ELMO1: variants seen among roughly 807,000 people sequenced by gnomAD.
ELMO1 encodes engulfment and cell motility 1, also known as engulfment and cell motility protein 1.
A neutral mutation model predicts 98.9 loss-of-function variants in ELMO1; 26 were observed. The ratio of observed to expected loss-of-function variants is 0.26; its 90% CI spans 0.19 to 0.36. The LOEUF (loss-of-function observed/expected upper bound fraction) is 0.36, where lower values mean the gene tolerates loss of function less well. Ranked by LOEUF, ELMO1 falls within the 10% of genes least tolerant of loss-of-function variation. The pLI is 1.00. For synonymous variants in ELMO1, 346 were observed against 346.0 expected (o/e 1.00, Z 0.00); for missense variants, 627 against 935.2 (o/e 0.67, Z 4.30).
intron 15 of ELMO1, among the ~76,000 whole-genome samples, chr7:37,066,472 G>C (rs537096569): frequency 6.6e-6 from 1 of 152,298 alleles, no homozygotes; most frequent in South Asian, 2.1e-4. Context: ...TTGGTACCCA[G>C]TACCCAGGCC....
At chr7:37,027,572 T>C (rs1794650870) in intron 15 of ELMO1, among the ~76,000 whole-genome samples, 1 of 152,192 alleles carries the variant, frequency 6.6e-6, no homozygotes, top group Non-Finnish European at 1.5e-5. Flanking sequence ...TTCGAAAGGA[T>C]AGAGATGTAT....
intron 13 of ELMO1, among the ~76,000 whole-genome samples, chr7:37,164,384 T>C (rs1789479227): frequency 6.6e-6 from 1 of 152,090 alleles, no homozygotes; most frequent in Admixed American, 6.5e-5. Flanking sequence ...GCCATTGCTT[T>C]TGGTGTTTTA....
intron 16 of ELMO1, among the ~76,000 whole-genome samples, chr7:36,901,109 T>C (rs369788600): frequency 1.3e-5 from 2 of 152,174 alleles, no homozygotes; most frequent in East Asian, 3.8e-4. Context: ...CAATTATTGA[T>C]CCCTCCCTGG....
chr7:37,403,961 C>T (rs1000760391), intron 1 of ELMO1, among the ~76,000 whole-genome samples: 2 of 152,086 alleles, frequency 1.3e-5, no homozygotes, highest in African/African-American at 4.8e-5. Context: ...ATGTACCACA[C>T]TAATGCAAGA....
chr7:37,362,219 TA>T (rs1801727756), intron 1 of ELMO1, among the ~76,000 whole-genome samples: 1 of 150,542 alleles, frequency 6.6e-6, no homozygotes. Flanking sequence ...ATGTATATGA[TA>T]TATATATATA....
At chr7:37,336,652 G>A (rs1800428228) in intron 2 of ELMO1, among the ~76,000 whole-genome samples, 1 of 152,170 alleles carries the variant, frequency 6.6e-6, no homozygotes, top group Non-Finnish European at 1.5e-5. Context: ...ACTGAAGCTA[G>A]AGGAAGGAAG....
intron 1 of ELMO1, among the ~76,000 whole-genome samples, chr7:37,363,860 G>A (rs966268087): frequency 2.0e-5 from 3 of 152,150 alleles, no homozygotes; most frequent in African/African-American, 7.2e-5. Flanking sequence ...AATCAGGGTA[G>A]AAAAATTAAA....
chr7:37,076,172 C>T (rs1362784919), intron 15 of ELMO1, among the ~76,000 whole-genome samples: 1 of 152,178 alleles, frequency 6.6e-6, no homozygotes, highest in African/African-American at 2.4e-5. Context: ...TTTCGTTACC[C>T]CCTGATGAGT....
intron 1 of ELMO1, chr7:37,393,675 C>T (rs1803174561): frequency 6.6e-6 from 1 of 152,188 alleles, no homozygotes; most frequent in South Asian, 2.1e-4. Flanking sequence ...GGAAATATCA[C>T]AGAAAAGTGA....
chr7:37,243,281 G>T (rs1584862761), intron 7 of ELMO1, among the ~76,000 whole-genome samples: 1 of 152,118 alleles, frequency 6.6e-6, no homozygotes, highest in East Asian at 1.9e-4. Context: ...TAAGTAGATG[G>T]GGAGAAAGTA....
intron 6 of ELMO1, among the ~76,000 whole-genome samples, chr7:37,255,164 G>C (rs1795574041): frequency 6.6e-6 from 1 of 152,178 alleles, no homozygotes; most frequent in African/African-American, 2.4e-5. Flanking sequence ...CTCAGAATGG[G>C]ACAGTATTTG....
chr7:37,039,064 A>G (rs78534951), intron 15 of ELMO1, among the ~76,000 whole-genome samples: 2,832 of 152,312 alleles, frequency 0.019, 48 homozygotes, highest in East Asian at 0.084. Flanking sequence ...TCTGAGATTC[A>G]TGCTTTTTCT....
At chr7:37,109,533 G>C (rs1785125915) in intron 14 of ELMO1, among the ~76,000 whole-genome samples, 1 of 152,100 alleles carries the variant, frequency 6.6e-6, no homozygotes, top group Non-Finnish European at 1.5e-5. Flanking sequence ...CCCCTCCCCA[G>C]ATAAGGCCCA....
chr7:36,872,293 G>A (rs1803586466), intron 19 of ELMO1, among the ~76,000 whole-genome samples: 1 of 152,216 alleles, frequency 6.6e-6, no homozygotes, highest in African/African-American at 2.4e-5. Context: ...ACGATAGTCA[G>A]AGGGCAATTC....
chr7:37,425,572 G>A (rs56372571), intron 1 of ELMO1, among the ~76,000 whole-genome samples: 2,815 of 152,314 alleles, frequency 0.018, 42 homozygotes, highest in Non-Finnish European at 0.028. Context: ...ATGTCTATCC[G>A]TTGAATGAAT....
intron 13 of ELMO1, among the ~76,000 whole-genome samples, chr7:37,152,183 G>A (rs776436971): frequency 1.3e-5 from 2 of 152,196 alleles, no homozygotes; most frequent in Non-Finnish European, 2.9e-5. Flanking sequence ...TGCAGTCATG[G>A]TTCCAGGTAC....
chr7:37,107,394 C>T (rs372627847), intron 14 of ELMO1, among the ~76,000 whole-genome samples: 1 of 152,168 alleles, frequency 6.6e-6, no homozygotes, highest in Non-Finnish European at 1.5e-5. Flanking sequence ...CAAACTCTCT[C>T]CTAAGGCATC....
At chr7:36,941,346 ATTCCT>A (rs1787016249) in intron 16 of ELMO1, among the ~76,000 whole-genome samples, 2 of 152,314 alleles carry the variant, frequency 1.3e-5, no homozygotes, top group South Asian at 4.1e-4. Context: ...TAACTTTGGA[ATTCCT>A]TAGATCAGTG....
intron 15 of ELMO1, among the ~76,000 whole-genome samples, chr7:37,014,702 A>ACTTCT (rs1793804380): frequency 6.7e-6 from 1 of 148,576 alleles, no homozygotes; most frequent in Non-Finnish European, 1.5e-5. Flanking sequence ...TTTAACTCCC[A>ACTTCT]CTTCTGAGTG....
Sources: allele counts gnomAD v4.1 joint callset (sites outside exome capture counted in the v4.1 genomes callset), GRCh38; gene constraint gnomAD v4.1.1; transcripts MANE v1.5; gene names NCBI Gene and HGNC (gene_info 2026-07-23, HGNC 2026-07-21).